KCNU1: variants seen among roughly 807,000 people sequenced by gnomAD.
KCNU1 encodes the protein potassium calcium-activated channel subfamily U member 1, also known as potassium channel subfamily U member 1.
A neutral mutation model predicts 126.8 loss-of-function variants in KCNU1; 93 were observed. That is an observed-to-expected ratio of 0.73 (90% confidence interval 0.62 to 0.87). The LOEUF is 0.87. Ranked by LOEUF, KCNU1 falls within the 40% of genes least tolerant of loss-of-function variation. The probability of loss-of-function intolerance (pLI) is 0.00; values close to 1 mark genes in which losing one functional copy is unlikely to be tolerated. For missense variants in KCNU1, 1,330 were observed against 1,367.1 expected (o/e 0.97, Z 0.43); for synonymous variants, 523 against 494.2 (o/e 1.06, Z -0.77).
intron 17 of KCNU1, 23 bp downstream of exon 17, chr8:36,845,692 GA>G (rs1435408756): frequency 3.2e-6 from 5 of 1,547,322 alleles, no homozygotes; most frequent in African/African-American, 1.4e-5. Flanking sequence ...TTTTATGGGG[GA>G]AAAGCACTAA....
At chr8:36,813,246 A>T (rs917098476) in intron 7 of KCNU1, among the ~76,000 whole-genome samples, 1 of 152,144 alleles carries the variant, frequency 6.6e-6, no homozygotes, top group Non-Finnish European at 1.5e-5. Context: ...AGCACTTGGC[A>T]CATCACTTTT....
At chr8:36,923,726 T>G (rs574832637) in intron 24 of KCNU1, among the ~76,000 whole-genome samples, 1 of 152,196 alleles carries the variant, frequency 6.6e-6, no homozygotes, top group East Asian at 1.9e-4. Context: ...GGGTCCTGCA[T>G]CCATTGGCTG....
At chr8:36,866,704 A>T (rs1391363582) in intron 19 of KCNU1, among the ~76,000 whole-genome samples, 1 of 152,124 alleles carries the variant, frequency 6.6e-6, no homozygotes, top group Non-Finnish European at 1.5e-5. Flanking sequence ...TAAATGTAGA[A>T]ATCATGTTTC....
intron 16 of KCNU1, among the ~76,000 whole-genome samples, chr8:36,843,299 A>T (rs1157403696): frequency 6.6e-6 from 1 of 152,202 alleles, no homozygotes; most frequent in Non-Finnish European, 1.5e-5. Flanking sequence ...GGAAACAGAG[A>T]TTTAACTTTG....
chr8:36,935,281 G>T (rs1808817928), intron 26 of KCNU1, among the ~76,000 whole-genome samples: 1 of 152,092 alleles, frequency 6.6e-6, no homozygotes, highest in Non-Finnish European at 1.5e-5. Context: ...GGGTTCAGAG[G>T]CAGGGATGAA....
At chr8:36,840,679 T>G in intron 15 of KCNU1, 104 bp downstream of exon 15, 1 of 760,716 alleles carries the variant, frequency 1.3e-6, no homozygotes, top group South Asian at 1.7e-5. Flanking sequence ...AAACTGAAGA[T>G]CTAAGAAGGG....
intron 12 of KCNU1, among the ~76,000 whole-genome samples, chr8:36,835,631 C>T (rs117889054): frequency 0.023 from 3,487 of 152,198 alleles, 53 homozygotes; most frequent in Middle Eastern, 0.048. Context: ...TGGGCCACTG[C>T]GCCTGGCCTG....
At position 36,787,309 on chromosome 8, in the gene KCNU1, C is replaced by G. The variant is rs370399751; in HGVS notation, c.199C>G (p.Leu67Val). ...AATTTCTTTCTCTTGATTGTAGGAA[C>G]TGTTCACATCAGGTACCATCGCTAG... ...IIKGTGIILE[L>V]FTSGTIARSH... Residue 67 changes from leucine (L) to valine (V), a missense_variant, in exon 2 of 27, where the codon CTG becomes GTG. Physicochemically the swap from Leu to Val is conservative, Grantham distance 32. This residue lies in a region of KCNU1 where 247 missense variants were observed against 255.4 expected (regional missense o/e 0.97). Coordinates refer to ENST00000399881, the MANE Select transcript of KCNU1 (RefSeq NM_001031836.3). 1.0e-5 allele frequency: 16 copies of G among 1,607,756 alleles called. No individual in the cohort carries two copies. In the African/African-American group the frequency reaches 2.0e-4, roughly 20 times the overall value.
At chr8:36,801,693 C>T (rs531559735) in intron 2 of KCNU1, among the ~76,000 whole-genome samples, 15 of 151,950 alleles carry the variant, frequency 9.9e-5, no homozygotes, top group Middle Eastern at 3.4e-3. Flanking sequence ...TATACACACA[C>T]ATATATATAT....
At chr8:36,907,818 G>A (rs1459875195) in intron 20 of KCNU1, among the ~76,000 whole-genome samples, 1 of 152,144 alleles carries the variant, frequency 6.6e-6, no homozygotes, top group Non-Finnish European at 1.5e-5. Context: ...GAATGCTCAT[G>A]CTGCAAATTA....
At chr8:36,909,865 A>G (rs538224736) in intron 21 of KCNU1, among the ~76,000 whole-genome samples, 1 of 152,272 alleles carries the variant, frequency 6.6e-6, no homozygotes, top group South Asian at 2.1e-4. Context: ...TACAAATAAG[A>G]GTTTCTCTGC....
intron 18 of KCNU1, among the ~76,000 whole-genome samples, chr8:36,854,215 C>G (rs1239153655): frequency 2.0e-5 from 3 of 152,056 alleles, no homozygotes; most frequent in Admixed American, 2.0e-4. Flanking sequence ...TAAATTTATC[C>G]TACTAGGAGT....
chr8:36,842,035 G>A (rs1429377470), intron 16 of KCNU1, among the ~76,000 whole-genome samples: 1 of 152,126 alleles, frequency 6.6e-6, no homozygotes, highest in East Asian at 1.9e-4. Flanking sequence ...AAGACTGTGT[G>A]TTGGCTCATG....
At chr8:36,918,780 A>G (rs778527017) in intron 22 of KCNU1, 43 bp from the exon 23 acceptor site, 3 of 1,144,142 alleles carry the variant, frequency 2.6e-6, no homozygotes, top group Non-Finnish European at 3.9e-6. Context: ...CAAGTTTTGT[A>G]AGGCATTGTG....
intron 19 of KCNU1, among the ~76,000 whole-genome samples, chr8:36,904,769 G>A (rs1807555907): frequency 1.3e-5 from 2 of 152,268 alleles, no homozygotes; most frequent in Non-Finnish European, 2.9e-5. Flanking sequence ...TGTTCCAGAT[G>A]TTGAGGCCAT....
At chr8:36,841,653 A>G (rs952114693) in intron 16 of KCNU1, among the ~76,000 whole-genome samples, 1 of 152,126 alleles carries the variant, frequency 6.6e-6, no homozygotes, top group Non-Finnish European at 1.5e-5. Flanking sequence ...CTGAGTTCAC[A>G]CCACTGCACT....
At chr8:36,871,110 A>G (rs557751923) in intron 19 of KCNU1, among the ~76,000 whole-genome samples, 1 of 152,286 alleles carries the variant, frequency 6.6e-6, no homozygotes, top group South Asian at 2.1e-4. Context: ...AGCAGGACTA[A>G]ATATATTCTC....
intron 24 of KCNU1, among the ~76,000 whole-genome samples, chr8:36,929,619 A>G (rs1181998094): frequency 6.6e-6 from 1 of 152,126 alleles, no homozygotes; most frequent in Non-Finnish European, 1.5e-5. Flanking sequence ...GACCCAGGAA[A>G]GAGTCACAAA....
chr8:36,806,218 T>C, intron 4 of KCNU1, 51 bp from the exon 5 acceptor site: 1 of 1,208,136 alleles, frequency 8.3e-7, no homozygotes, highest in Non-Finnish European at 1.2e-6. Context: ...AGTGTTCACT[T>C]AAAATTCTTG....
Sources: gnomAD v4.1 joint callset for allele counts (sites outside exome capture counted in the v4.1 genomes callset) on GRCh38, gnomAD v4.1.1 for gene constraint, gnomAD v4.1.1 regional missense constraint, MANE v1.5 for transcripts, NCBI Gene and HGNC (gene_info 2026-07-23, HGNC 2026-07-21) for gene names.